Variants in LEO1 observed in about 807,000 individuals in gnomAD.
LEO1 encodes LEO1 component of Paf1/RNA polymerase II complex.
In LEO1, 34 loss-of-function variants were observed where a neutral mutation model predicts 80.4. The ratio of observed to expected loss-of-function variants is 0.42; its 90% CI spans 0.32 to 0.56. LEO1 has a LOEUF of 0.56. Among genes scored for constraint, LEO1 ranks in the 20% least tolerant of loss-of-function variants. The pLI is 0.10. For missense variants in LEO1, 631 were observed against 814.2 expected, an observed-to-expected ratio of 0.77 and a Z score of 2.74; for synonymous variants, 262 against 274.9, an observed-to-expected ratio of 0.95 and a Z score of 0.46.
intron 3 of LEO1, among the ~76,000 whole-genome samples, chr15:51,961,722 T>C (rs186965746): frequency 1.3e-4 from 19 of 148,510 alleles, no homozygotes; most frequent in Admixed American, 6.9e-4. Flanking sequence ...GCTCTTCATC[T>C]AACTCACAGC....
chr15:51,971,650 C>T (rs777112168), intron 1 of LEO1, 38 bp downstream of exon 1: 19 of 1,607,970 alleles, frequency 1.2e-5, no homozygotes, highest in Non-Finnish European at 1.6e-5. Context: ...AGCGGAAGGC[C>T]TGCCACGCAC....
intron 6 of LEO1, among the ~76,000 whole-genome samples, chr15:51,956,437 A>AG (rs1393344877): frequency 1.3e-5 from 2 of 151,818 alleles, no homozygotes; most frequent in East Asian, 3.9e-4. Context: ...AAAAAAAAAA[A>AG]AAAACCACAA....
chr15:51,956,441 A>C (rs906380230), intron 6 of LEO1, among the ~76,000 whole-genome samples: 1 of 150,970 alleles, frequency 6.6e-6, no homozygotes, highest in African/African-American at 2.4e-5. Context: ...AAAAAAAAAA[A>C]CCACAAATAG....
intron 11 of LEO1, among the ~76,000 whole-genome samples, chr15:51,942,921 CAAA>C (rs546843495): frequency 1.7e-5 from 1 of 58,910 alleles, no homozygotes. Flanking sequence ...GACTTTGTCT[CAAA>C]AAAAAAAAAA....
chr15:51,961,715 C>T (rs1399584074), intron 3 of LEO1, among the ~76,000 whole-genome samples: 2 of 150,416 alleles, frequency 1.3e-5, no homozygotes, highest in African/African-American at 4.9e-5. Context: ...TTTATGAGCT[C>T]TTCATCTAAC....
intron 11 of LEO1, among the ~76,000 whole-genome samples, chr15:51,943,150 C>T (rs1156244179): frequency 4.6e-5 from 7 of 151,758 alleles, no homozygotes; most frequent in African/African-American, 7.3e-5. Flanking sequence ...GAGACCAATG[C>T]GGGCAGATCA....
At chr15:51,970,017 G>C (rs1445575565) in intron 1 of LEO1, among the ~76,000 whole-genome samples, 1 of 152,066 alleles carries the variant, frequency 6.6e-6, no homozygotes, top group Non-Finnish European at 1.5e-5. Flanking sequence ...TGCATTGCTG[G>C]TGGTAATGTA....
chr15:51,949,094 G>C (rs933462071), intron 10 of LEO1, among the ~76,000 whole-genome samples: 41 of 152,244 alleles, frequency 2.7e-4, no homozygotes, highest in Middle Eastern at 3.4e-3. Flanking sequence ...CTGAAATTCA[G>C]TATGTGTGGA....
At chr15:51,962,034 C>T (rs561805189) in intron 3 of LEO1, among the ~76,000 whole-genome samples, 2 of 151,972 alleles carry the variant, frequency 1.3e-5, no homozygotes, top group South Asian at 4.1e-4. Flanking sequence ...CATGGTGGTA[C>T]GTTCCTGTAA....
intron 10 of LEO1, among the ~76,000 whole-genome samples, chr15:51,949,548 A>C (rs943756132): frequency 1.3e-5 from 2 of 152,040 alleles, no homozygotes; most frequent in African/African-American, 4.8e-5. Flanking sequence ...AAAAATACAA[A>C]AATTAGCCAG....
At chr15:51,961,840 G>A (rs1046039546) in intron 3 of LEO1, among the ~76,000 whole-genome samples, 1 of 151,034 alleles carries the variant, frequency 6.6e-6, no homozygotes, top group Non-Finnish European at 1.5e-5. Flanking sequence ...CCAATAAGAA[G>A]GTCAGCCCCC....
At chr15:51,969,508 G>A (rs985668940) in intron 1 of LEO1, among the ~76,000 whole-genome samples, 6 of 151,344 alleles carry the variant, frequency 4.0e-5, no homozygotes, top group African/African-American at 9.7e-5. Flanking sequence ...GGTGGCAGGC[G>A]CCTGTAATCC....
At chr15:51,941,859 G>A (rs1053714897) in intron 11 of LEO1, among the ~76,000 whole-genome samples, 6 of 152,172 alleles carry the variant, frequency 3.9e-5, no homozygotes, top group East Asian at 1.9e-4. Context: ...ACAAGACAGC[G>A]AGTATAAACT....
intron 2 of LEO1, among the ~76,000 whole-genome samples, chr15:51,962,925 G>GGGC (rs2057042962): frequency 6.8e-6 from 1 of 146,874 alleles, no homozygotes; most frequent in African/African-American, 2.5e-5. Flanking sequence ...TGCAGAACAT[G>GGGC]CCCCCCCCCC....
Position 51,938,154 on chromosome 15 carries a change from C to T in LEO1, c.*2G>A. 6.7e-7 allele frequency: 1 copy of T among 1,484,894 alleles called. No homozygotes were observed. Among genetic ancestry groups the T allele is most frequent in the Non-Finnish European group, 9.4e-7 (1 of 1,067,124 alleles). 92.0% of individuals were successfully genotyped at this position (1,484,894 alleles called of 1,614,324 possible). A position where few individuals can be genotyped will look rare whatever the true frequency, so the allele number is the denominator to read the frequency against. On this transcript the variant is annotated 3_prime_UTR_variant, in exon 12 of 12. Transcript: ENST00000299601. Reference sequence around the variant, plus strand: ...ATATAAAATGTTTTCATATTTCATACTTCAATCATCATCTTCTTCCTCTTC... The same window carrying T: ...ATATAAAATGTTTTCATATTTCATATTTCAATCATCATCTTCTTCCTCTTC...
intron 11 of LEO1, among the ~76,000 whole-genome samples, chr15:51,939,111 G>A (rs1050267069): frequency 6.6e-6 from 1 of 152,236 alleles, no homozygotes; most frequent in Non-Finnish European, 1.5e-5. Context: ...CTTGAACCCA[G>A]GAGGCGAAGG....
Position 51,954,893 on chromosome 15 carries a change from A to G in LEO1, c.1246-318T>C, listed in dbSNP as rs192894564. The G allele has an allele frequency of 1.2e-3, 248 of 205,992 alleles. 7 individuals carry two copies. Among genetic ancestry groups the G allele is most frequent in the East Asian group, 8.0e-3 (64 of 8,022 alleles). The allele number at this position is 205,992 out of a possible 1,614,324, so 12.8% of individuals were successfully genotyped here. On this transcript the variant is annotated intron_variant, in intron 6 of 11. Coordinates refer to ENST00000299601, the MANE Select transcript of LEO1 (RefSeq NM_138792.4). ...GATGTGTTAAGACAGTAAGAATTAC[A>G]AGGGTCAGGCGATAAAACTTGAGTC...
intron 6 of LEO1, among the ~76,000 whole-genome samples, chr15:51,957,007 T>A (rs2056994885): frequency 6.6e-6 from 1 of 152,044 alleles, no homozygotes; most frequent in Non-Finnish European, 1.5e-5. Context: ...TTTTTTATTT[T>A]TAGTAGAGAC....
chr15:51,962,286 G>C (rs1445164829), intron 3 of LEO1, 103 bp downstream of exon 3: 1 of 667,000 alleles, frequency 1.5e-6, no homozygotes, highest in African/African-American at 1.8e-5. Flanking sequence ...TTATTCTGTG[G>C]GTCTGGCGAT....
Sources: gnomAD v4.1 joint callset for allele counts (sites outside exome capture counted in the v4.1 genomes callset) on GRCh38, gnomAD v4.1.1 for gene constraint, MANE v1.5 for transcripts, NCBI Gene and HGNC (gene_info 2026-07-23, HGNC 2026-07-21) for gene names.